ZPBP: variants seen among roughly 807,000 people sequenced by gnomAD.
ZPBP encodes the protein zona pellucida-binding protein 1.
ZPBP carries 26 observed loss-of-function variants against 44.8 expected under a neutral mutation model. The ratio of observed to expected loss-of-function variants is 0.58; its 90% confidence interval spans 0.43 to 0.81. ZPBP has a LOEUF of 0.81. Ranked by LOEUF, ZPBP falls within the 30% of genes least tolerant of loss-of-function variation. ZPBP has a pLI of 0.00. For synonymous variants in ZPBP, 174 were observed against 153.2 expected, an observed-to-expected ratio of 1.14 and a Z score of -1.00; for missense variants, 409 against 434.0, an observed-to-expected ratio of 0.94 and a Z score of 0.51.
rs368120838 is a variant in ZPBP at position 49,902,508 on chromosome 7, C to T, written n.412-1293G>A. ...GGGTAGTTTTTTGTTTGTTTGTTTG[C>T]TTGTTTTTTTAACAAATGACACTGT... On this transcript the variant is annotated intron_variant and non_coding_transcript_variant, in intron 1 of 2. Transcript: ENST00000465922. Among the ~76,000 whole-genome samples the T allele has an allele frequency of 6.0e-4, 87 of 145,522 alleles. 2 individuals carry two copies. The South Asian group carries it at 7.3e-3, about 12-fold the overall frequency.
intron 7 of ZPBP, among the ~76,000 whole-genome samples, chr7:49,949,015 T>C (rs1034295313): frequency 2.0e-5 from 3 of 152,098 alleles, no homozygotes; most frequent in Non-Finnish European, 4.4e-5. Context: ...GAGATAAATT[T>C]AAATGAGGTA....
intron 7 of ZPBP, among the ~76,000 whole-genome samples, chr7:49,941,674 T>A (rs956792229): frequency 6.6e-6 from 1 of 152,132 alleles, no homozygotes; most frequent in Non-Finnish European, 1.5e-5. Flanking sequence ...ATCATGTTCA[T>A]GGGTTGGAAC....
intron 2 of ZPBP, among the ~76,000 whole-genome samples, chr7:49,874,548 A>ATATG (rs1401688397): frequency 6.8e-6 from 1 of 147,644 alleles, no homozygotes; most frequent in African/African-American, 2.5e-5. Context: ...ATGACTATAT[A>ATATG]TGTGTGTGTG....
At chr7:49,873,580 A>G (rs1791270144) in intron 2 of ZPBP, among the ~76,000 whole-genome samples, 1 of 152,222 alleles carries the variant, frequency 6.6e-6, no homozygotes, top group African/African-American at 2.4e-5. Context: ...TGGTGTGAGC[A>G]TGAGTTGGAA....
At chr7:49,961,478 G>A (rs1252597710) in intron 7 of ZPBP, among the ~76,000 whole-genome samples, 6 of 152,092 alleles carry the variant, frequency 3.9e-5, no homozygotes, top group Non-Finnish European at 4.4e-5. Flanking sequence ...TAGATTAAAA[G>A]AGGGCATAAG....
At chr7:49,943,474 T>G (rs1794972266) in intron 7 of ZPBP, 1 of 456,718 alleles carries the variant, frequency 2.2e-6, no homozygotes, top group South Asian at 1.7e-5. Context: ...CTTGCCAACA[T>G]TTAGATAGCC....
intron 7 of ZPBP, among the ~76,000 whole-genome samples, chr7:49,960,714 C>T (rs551533428): frequency 2.0e-5 from 3 of 152,128 alleles, no homozygotes; most frequent in African/African-American, 7.2e-5. Context: ...AAAACACGTA[C>T]CAATAGCCAT....
chr7:50,033,300 A>T (rs1469436687), intron 4 of ZPBP, among the ~76,000 whole-genome samples: 1 of 152,190 alleles, frequency 6.6e-6, no homozygotes, highest in African/African-American at 2.4e-5. Flanking sequence ...AGTTGAAAAC[A>T]CATATTACAA....
intron 1 of ZPBP, among the ~76,000 whole-genome samples, chr7:49,911,651 C>A (rs755006737): frequency 3.9e-5 from 6 of 151,976 alleles, no homozygotes; most frequent in Non-Finnish European, 7.4e-5. Flanking sequence ...AATCTGAGCA[C>A]TTTGGGAAGC....
intron 5 of ZPBP, among the ~76,000 whole-genome samples, chr7:50,027,776 C>A (rs1799407374): frequency 1.3e-5 from 2 of 151,876 alleles, no homozygotes; most frequent in Admixed American, 1.3e-4. Context: ...AACAAGAGAA[C>A]AATATAAACC....
intron 2 of ZPBP, among the ~76,000 whole-genome samples, chr7:49,871,944 CA>C: frequency 8.3e-6 from 1 of 120,862 alleles, no homozygotes; most frequent in African/African-American, 3.5e-5. Flanking sequence ...CACACACACA[CA>C]CACACACACA....
chr7:49,853,606 G>A (rs555149918), intron 2 of ZPBP, among the ~76,000 whole-genome samples: 1 of 151,996 alleles, frequency 6.6e-6, no homozygotes, highest in South Asian at 2.1e-4. Flanking sequence ...CATAAAGTAT[G>A]TTTACGAACA....
At chr7:50,025,435 C>G (rs1799278705) in intron 5 of ZPBP, among the ~76,000 whole-genome samples, 1 of 151,706 alleles carries the variant, frequency 6.6e-6, no homozygotes, top group Admixed American at 6.6e-5. Context: ...AAAGAACAGA[C>G]AAAGAGACCA....
chr7:49,879,433 A>G (rs568429028), intron 2 of ZPBP, among the ~76,000 whole-genome samples: 1 of 152,304 alleles, frequency 6.6e-6, no homozygotes, highest in Admixed American at 6.5e-5. Context: ...GAGGGTTTAT[A>G]TGTGCAGGTA....
intron 5 of ZPBP, among the ~76,000 whole-genome samples, chr7:50,028,526 G>A (rs1799440412): frequency 6.6e-6 from 1 of 151,932 alleles, no homozygotes; most frequent in South Asian, 2.1e-4. Context: ...AGGGTGGAAA[G>A]TGTGAAGTAA....
Position 50,089,887 on chromosome 7 carries a change from G to A in ZPBP, c.128-178C>T, listed in dbSNP as rs528954672. 1.9e-4 allele frequency among the ~76,000 whole-genome samples: 29 copies of A among 151,970 alleles called. 1 individual carries two copies. The South Asian group carries it at 5.2e-3, about 27-fold the overall frequency. Reference sequence around the variant, plus strand: ...AGATGATCTGATAAATTTAATCTACGTACTGCTTCTCCATATTATATCTCA... The same window carrying A: ...AGATGATCTGATAAATTTAATCTACATACTGCTTCTCCATATTATATCTCA... On this transcript the variant is annotated intron_variant, in intron 1 of 7. Transcript: ENST00000046087.
intron 7 of ZPBP, among the ~76,000 whole-genome samples, chr7:49,955,329 T>A (rs1323513042): frequency 6.6e-6 from 1 of 152,024 alleles, no homozygotes; most frequent in Non-Finnish European, 1.5e-5. Flanking sequence ...GAGGCCAAAG[T>A]GGGCGGATCA....
intron 7 of ZPBP, chr7:49,944,284 G>C (rs1353400040): frequency 9.5e-6 from 3 of 317,018 alleles, no homozygotes; most frequent in Non-Finnish European, 1.2e-5. Flanking sequence ...TCTTACCACA[G>C]CTGTTCTTGT....
chr7:49,930,516 C>CA (rs546999231), intron 1 of ZPBP, among the ~76,000 whole-genome samples: 13 of 151,370 alleles, frequency 8.6e-5, no homozygotes, highest in South Asian at 8.3e-4. Context: ...CTCACTAATA[C>CA]AAAAAAAATG....
Sources: allele counts gnomAD v4.1 joint callset (sites outside exome capture counted in the v4.1 genomes callset), GRCh38; gene constraint gnomAD v4.1.1; transcripts MANE v1.5; gene names NCBI Gene and HGNC (gene_info 2026-07-23, HGNC 2026-07-21).